WAPL: variants seen among roughly 807,000 people sequenced by gnomAD.
WAPL encodes WAPL cohesin release factor, also known as wings apart-like protein homolog.
Under a neutral mutation model 121.0 loss-of-function variants are expected in WAPL, and 5 were observed. That is an observed-to-expected ratio of 0.04 (90% CI 0.02 to 0.09). The LOEUF (loss-of-function observed/expected upper bound fraction) is 0.09. Among genes scored for constraint, WAPL ranks in the 10% least tolerant of loss-of-function variants. WAPL has a pLI of 1.00. For synonymous variants in WAPL, 480 were observed against 481.5 expected, an observed-to-expected ratio of 1.00 and a Z score of 0.04; for missense variants, 999 against 1,410.8, an observed-to-expected ratio of 0.71 and a Z score of 4.68.
At chr10:86,494,319 ACT>A (rs1842108594) in intron 4 of WAPL, among the ~76,000 whole-genome samples, 1 of 152,222 alleles carries the variant, frequency 6.6e-6, no homozygotes, top group Non-Finnish European at 1.5e-5. Flanking sequence ...AAAAACCACC[ACT>A]GTTTAAGTTG....
chr10:86,520,369 C>T (rs1842651024), intron 1 of WAPL, among the ~76,000 whole-genome samples: 1 of 152,138 alleles, frequency 6.6e-6, no homozygotes, highest in Admixed American at 6.5e-5. Flanking sequence ...TAGTGAAATA[C>T]TGATGAAATA....
chr10:86,493,060 CAAAA>C (rs751266999), intron 4 of WAPL, among the ~76,000 whole-genome samples: 1 of 77,312 alleles, frequency 1.3e-5, no homozygotes. Context: ...GACTCCGTCT[CAAAA>C]AAAAAAAAAA....
Position 86,500,592 on chromosome 10 carries a change from T to C in WAPL, c.651A>G (p.Lys217=), listed in dbSNP as rs1842229414. 6.2e-7 allele frequency: 1 copy of C among 1,614,070 alleles called. No homozygotes were observed. The highest frequency in any genetic ancestry group is 8.5e-7 in the Non-Finnish European group (1 of 1,180,038). ...ATATTTCTGATGGTGATTCTGGCCT[T>C]TTCCCAAACTGGGAGTTCCAAGTAT... ...TNDTWNSQFG[K]RPESPSEISP... Residue 217 remains lysine (K), a synonymous_variant, in exon 3 of 19, where the codon AAA becomes AAG. Coordinates refer to ENST00000298767, the MANE Select transcript of WAPL (RefSeq NM_015045.5).
Position 86,472,742 on chromosome 10 carries a change from G to C in WAPL, c.1763C>G (p.Pro588Arg), listed in dbSNP as rs545577938. The C allele has an allele frequency of 5.0e-6, 8 of 1,612,960 alleles. No homozygotes were observed. The South Asian group carries it at 8.8e-5, about 18-fold the overall frequency. The change falls in exon 6 of 19, where the codon CCA becomes CGA. Residue 588 changes from proline to arginine, a missense_variant. Pro to Arg is a moderately radical substitution (Grantham distance 103). Coordinates refer to ENST00000298767, the MANE Select transcript of WAPL (RefSeq NM_015045.5). This position sits in a 1 kb window ranked among gnomAD's most constrained non-coding sequence, Gnocchi z 4.2. ...SVTVRLSSKE[P>R]NQKDDGVFKA... ...AAAAACTCCATCATCTTTTTGATTT[G>C]GTTCCTTTGAAGACAGCCTCACCTA...
At chr10:86,491,537 T>C (rs929420645) in intron 4 of WAPL, among the ~76,000 whole-genome samples, 6 of 152,076 alleles carry the variant, frequency 3.9e-5, no homozygotes, top group African/African-American at 1.4e-4. Flanking sequence ...TAAGTACTAA[T>C]GTCCACAAAA....
At chr10:86,455,325 G>C (rs745727320) in intron 12 of WAPL, among the ~76,000 whole-genome samples, 3 of 152,232 alleles carry the variant, frequency 2.0e-5, no homozygotes, top group Admixed American at 1.3e-4. Flanking sequence ...ACTCCATTTT[G>C]TTCTGTACTA....
intron 4 of WAPL, among the ~76,000 whole-genome samples, chr10:86,480,633 C>A (rs1020620462): frequency 2.8e-5 from 1 of 35,222 alleles, no homozygotes; most frequent in African/African-American, 7.9e-5. Flanking sequence ...CTATAAATAT[C>A]TTGAGACAAC....
chr10:86,437,453 A>C lies in WAPL; in HGVS notation c.*90T>G, dbSNP rs1220141081. On this transcript the variant is annotated 3_prime_UTR_variant, in exon 19 of 19. Coordinates refer to ENST00000298767, the MANE Select transcript of WAPL (RefSeq NM_015045.5). ...AATGATACTGATGAATGTTCTTGGTATATCTTCAAGGACTTCTTTCATGAC... is the reference window on the plus strand; with the variant it reads ...AATGATACTGATGAATGTTCTTGGTCTATCTTCAAGGACTTCTTTCATGAC... The C allele has an allele frequency of 7.4e-6, 10 of 1,352,250 alleles. No homozygotes were observed. Among genetic ancestry groups the C allele is most frequent in the Non-Finnish European group, 1.0e-5 (10 of 978,850 alleles). 83.8% of individuals were successfully genotyped at this position (1,352,250 alleles called of 1,614,324 possible). A position where few individuals can be genotyped will look rare whatever the true frequency, so the allele number is the denominator to read the frequency against.
intron 2 of WAPL, among the ~76,000 whole-genome samples, chr10:86,509,152 G>C (rs1016261978): frequency 6.6e-6 from 1 of 151,974 alleles, no homozygotes; most frequent in Non-Finnish European, 1.5e-5. Context: ...ACTGAATTTC[G>C]AATTAATTGT....
Position 86,497,260 on chromosome 10 carries a change from T to C in WAPL, c.1585A>G (p.Asn529Asp). Reference protein sequence around the residue: ...GVPESVKKPINKQGDKSKENT... With the variant: ...GVPESVKKPIDKQGDKSKENT... Reference sequence around the variant, plus strand: ...TCCTTTGATTTATCTCCTTGTTTATTTATGGGCTTCTTCACACTTTCAGGC... The same window carrying C: ...TCCTTTGATTTATCTCCTTGTTTATCTATGGGCTTCTTCACACTTTCAGGC... The change falls in exon 4 of 19, where the codon AAT (asparagine) becomes GAT (aspartate). Residue 529 changes from asparagine (N) to aspartate (D), a missense_variant. Asn to Asp is a conservative substitution (Grantham distance 23). Coordinates refer to ENST00000298767, the MANE Select transcript of WAPL (RefSeq NM_015045.5). 6.2e-7 allele frequency: 1 copy of C among 1,613,360 alleles called. No homozygotes were observed. Among genetic ancestry groups the C allele is most frequent in the African/African-American group, 1.3e-5 (1 of 75,006 alleles).
At chr10:86,477,369 A>C (rs964424610) in intron 4 of WAPL, among the ~76,000 whole-genome samples, 2 of 152,238 alleles carry the variant, frequency 1.3e-5, no homozygotes, top group African/African-American at 4.8e-5. Flanking sequence ...TATATGTAAA[A>C]GTATCATACA....
chr10:86,453,926 T>C (rs982209838), intron 12 of WAPL, 95 bp from the exon 13 acceptor site: 38 of 1,148,962 alleles, frequency 3.3e-5, no homozygotes, highest in Non-Finnish European at 5.7e-6. Context: ...TCGGATGAAA[T>C]TTCACTTTAT....
At position 86,467,366 on chromosome 10, in the gene WAPL, A is replaced by G. The variant is rs41291396; in HGVS notation, c.2283T>C (p.Asn761=). 99 of 1,614,042 alleles carry G rather than the reference A, an allele frequency of 6.1e-5. No individual in the cohort carries two copies. Among genetic ancestry groups the G allele is most frequent in the Non-Finnish European group, 8.3e-5 (98 of 1,180,002 alleles). ...EQDASSAKLL[N]EKDMNKIKEK... is the part of the protein sequence containing the mutation. Reference sequence around the variant, plus strand: ...CTTTAATTTTGTTCATGTCTTTTTCATTCAGTAGCTTGGCTGATGAAGCAT... The same window carrying G: ...CTTTAATTTTGTTCATGTCTTTTTCGTTCAGTAGCTTGGCTGATGAAGCAT... Residue 761 remains asparagine (N), a synonymous_variant, in exon 9 of 19, where the codon AAT becomes AAC. Transcript: ENST00000298767.
chr10:86,500,660 T>C lies in WAPL; in HGVS notation c.583A>G (p.Asn195Asp), dbSNP rs1203366972. 3 of 1,613,410 alleles carry C rather than the reference T, an allele frequency of 1.9e-6. No homozygotes were observed. The highest frequency in any genetic ancestry group is 1.1e-5 in the South Asian group (1 of 90,840). The change falls in exon 3 of 19, where the codon AAT becomes GAT. Residue 195 changes from asparagine to aspartate, a missense_variant. Transcript: ENST00000298767. ...KNADDSTKKPNAETTVASEIK... is the reference protein window; with the variant it reads ...KNADDSTKKPDAETTVASEIK... ...TCAGAAGCCACTGTAGTTTCTGCAT[T>C]GGGTTTCTTAGTACTGTCATCAGCA...
At chr10:86,449,901 G>A (rs1374464549) in intron 15 of WAPL, among the ~76,000 whole-genome samples, 4 of 152,206 alleles carry the variant, frequency 2.6e-5, no homozygotes, top group African/African-American at 9.7e-5. Context: ...CTTTTATGGT[G>A]ACGGTTCTAT....
At chr10:86,467,539 A>C in intron 8 of WAPL, 33 bp from the exon 9 acceptor site, 1 of 1,532,356 alleles carries the variant, frequency 6.5e-7, no homozygotes, top group African/African-American at 1.4e-5. Context: ...AAGAAAAAAA[A>C]CTTCATGTAA....
At position 86,472,309 on chromosome 10, in the gene WAPL, G is replaced by A. The variant is rs375006844; in HGVS notation, c.1929C>T (p.Asn643=). 3.9e-5 allele frequency: 62 copies of A among 1,604,366 alleles called. No individual in the cohort carries two copies. The highest frequency in any genetic ancestry group is 1.8e-4 in the African/African-American group (13 of 74,210). Residue 643 remains asparagine, a synonymous_variant, in exon 7 of 19, where the codon AAC becomes AAT. Coordinates refer to ENST00000298767, the MANE Select transcript of WAPL (RefSeq NM_015045.5). This position sits in a 1 kb window ranked among gnomAD's most constrained non-coding sequence, Gnocchi z 4.2. ...YTVVQHVKHF[N]DVVEFGENQE... ...GATTTTCACCAAATTCTACAACATCGTTGAAGTGCTTCACGTGCTGAACAA... is the reference window on the plus strand; with the variant it reads ...GATTTTCACCAAATTCTACAACATCATTGAAGTGCTTCACGTGCTGAACAA...
chr10:86,487,680 G>T (rs191294022), intron 4 of WAPL, among the ~76,000 whole-genome samples: 15 of 152,254 alleles, frequency 9.9e-5, no homozygotes, highest in Non-Finnish European at 1.6e-4. Context: ...CACGAGGTCA[G>T]GAGAGCAAGA....
At chr10:86,453,044 A>C (rs1229383042) in intron 14 of WAPL, among the ~76,000 whole-genome samples, 176 bp downstream of exon 14, 21 of 76,190 alleles carry the variant, frequency 2.8e-4, no homozygotes, top group East Asian at 4.4e-4. Context: ...AAAAAAAAAA[A>C]AAAAAAAAAA....
Sources: allele counts gnomAD v4.1 joint callset (sites outside exome capture counted in the v4.1 genomes callset), GRCh38; gene constraint gnomAD v4.1.1; non-coding constraint Gnocchi (gnomAD v3.1); transcripts MANE v1.5; gene names NCBI Gene and HGNC (gene_info 2026-07-23, HGNC 2026-07-21).